The following ALG12 variants were observed in gnomAD, a reference collection of about 807,000 sequenced individuals.
The protein encoded by ALG12 is dol-P-Man:Man(7)GlcNAc(2)-PP-Dol alpha-1,6-mannosyltransferase.
In ALG12, 36 loss-of-function variants were observed where a neutral mutation model predicts 46.0. That is an observed-to-expected ratio of 0.78 (90% CI 0.60 to 1.03). The LOEUF (loss-of-function observed/expected upper bound fraction) is 1.03, where lower values mean the gene tolerates loss of function less well. ALG12 is among the 50% of genes least tolerant of loss of function. The pLI, the probability that ALG12 is intolerant of heterozygous loss-of-function variation, is 0.00. For missense variants in ALG12, 599 were observed against 633.5 expected (o/e 0.95, Z 0.58); for synonymous variants, 326 against 291.6 (o/e 1.12, Z -1.20).
intron 3 of ALG12, among the ~76,000 whole-genome samples, chr22:49,912,829 T>C (rs2060586345): frequency 6.6e-6 from 1 of 151,896 alleles, no homozygotes; most frequent in Non-Finnish European, 1.5e-5. Flanking sequence ...ATTGCACCAC[T>C]GCACTTCAGC....
chr22:49,907,570 T>G (rs1006708153), intron 7 of ALG12, 151 bp downstream of exon 7: 7 of 889,248 alleles, frequency 7.9e-6, no homozygotes, highest in Non-Finnish European at 1.2e-5. Context: ...CCCCTAGGAG[T>G]TGAGGGGTGC....
At chr22:49,883,919 T>C in the ALG12 span, 6 of 1,610,048 alleles carry the variant, frequency 3.7e-6, no homozygotes, top group Non-Finnish European at 5.1e-6. Flanking sequence ...TATGGCGCGC[T>C]GTTCTCCCAG....
chr22:49,880,458 CAGCCTGGA>C, the ALG12 span, among the ~76,000 whole-genome samples: 6 of 152,368 alleles, frequency 3.9e-5, no homozygotes, highest in South Asian at 2.1e-4. Flanking sequence ...CCCCGCCCCG[CAGCCTGGA>C]AGCCTGGAAG....
At chr22:49,881,852 C>T in the ALG12 span, among the ~76,000 whole-genome samples, 2 of 151,948 alleles carry the variant, frequency 1.3e-5, no homozygotes, top group African/African-American at 2.4e-5. Context: ...TTTTATTTTT[C>T]TTTTTTATCT....
At chr22:49,861,352 G>A in the ALG12 span, among the ~76,000 whole-genome samples, 1 of 152,152 alleles carries the variant, frequency 6.6e-6, no homozygotes, top group East Asian at 1.9e-4. Flanking sequence ...GTGTTGGCCA[G>A]GCTGGCCTCA....
At chr22:49,894,449 T>C in the ALG12 span, among the ~76,000 whole-genome samples, 4 of 152,036 alleles carry the variant, frequency 2.6e-5, no homozygotes, top group Non-Finnish European at 5.9e-5. Context: ...AGGCTTCACA[T>C]ATCGAGTCCA....
intron 1 of ALG12, among the ~76,000 whole-genome samples, chr22:49,917,682 G>GA (rs1333518533): frequency 2.0e-5 from 3 of 147,762 alleles, no homozygotes. Flanking sequence ...AAACAGAAAA[G>GA]AAACTGGTCA....
rs1008687800 is a variant in ALG12 at position 49,902,549 on chromosome 22, GTGTA to G, written c.*1285_*1288del. On this transcript the variant is annotated 3_prime_UTR_variant, in exon 10 of 10. Coordinates refer to ENST00000330817, the MANE Select transcript of ALG12 (RefSeq NM_024105.4). The stretch of plus-strand genomic sequence containing the variant: ...ATGGTAATGTGCACGCGTGCACTGT[GTGTA>G]TGCATGGTAATGTGCACGTGTGCAC... The G allele has an allele frequency of 1.4e-5, 2 of 141,296 alleles. No homozygotes were observed. Among genetic ancestry groups the G allele is most frequent in the East Asian group, 2.2e-4 (1 of 4,564 alleles). 8.8% of individuals were successfully genotyped at this position (141,296 alleles called of 1,614,324 possible).
At chr22:49,884,591 T>C in the ALG12 span, 2 of 1,612,790 alleles carry the variant, frequency 1.2e-6, no homozygotes, top group East Asian at 2.2e-5. Flanking sequence ...ATTCACTGCA[T>C]GAACGAGTTC....
chr22:49,864,991 G>T, the ALG12 span, among the ~76,000 whole-genome samples: 6 of 124,510 alleles, frequency 4.8e-5, no homozygotes, highest in Non-Finnish European at 9.3e-5. Context: ...ATTGTGCTGT[G>T]TTTCTCCCCT....
chr22:49,859,498 C>G, the ALG12 span, among the ~76,000 whole-genome samples: 1 of 152,110 alleles, frequency 6.6e-6, no homozygotes, highest in African/African-American at 2.4e-5. Flanking sequence ...GTGTCCCAGG[C>G]TCACGGTGAT....
chr22:49,890,818 C>T, the ALG12 span, among the ~76,000 whole-genome samples: 3 of 152,078 alleles, frequency 2.0e-5, no homozygotes, highest in African/African-American at 4.8e-5. Flanking sequence ...AAATCGAGAC[C>T]ATCCTGGCTA....
At position 49,903,070 on chromosome 22, in the gene ALG12, C is replaced by T. The variant is rs77731737; in HGVS notation, c.*768G>A. On this transcript the variant is annotated 3_prime_UTR_variant, in exon 10 of 10. Transcript: ENST00000330817. The stretch of plus-strand genomic sequence containing the variant: ...ATCTCCAGTGCCCAGCAGCATCACA[C>T]GCACTTTGGTGCTTTATAAATGCAT... 0.014 allele frequency: 4,797 copies of T among 350,404 alleles called. 74 individuals are homozygous for T. Among genetic ancestry groups the T allele is most frequent in the South Asian group, 0.03 (1,385 of 46,718 alleles). 21.7% of individuals were successfully genotyped at this position (350,404 alleles called of 1,614,324 possible).
chr22:49,879,526 A>C, the ALG12 span, among the ~76,000 whole-genome samples: 8,482 of 150,170 alleles, frequency 0.056, 340 homozygotes, highest in Non-Finnish European at 0.088. Context: ...GTCCTTGTCC[A>C]CTAATTTTAT....
At chr22:49,894,621 G>C in the ALG12 span, among the ~76,000 whole-genome samples, 1 of 152,234 alleles carries the variant, frequency 6.6e-6, no homozygotes, top group African/African-American at 2.4e-5. Context: ...ACACAACAAT[G>C]CTAAACATAA....
At chr22:49,876,931 T>C in the ALG12 span, among the ~76,000 whole-genome samples, 1 of 152,224 alleles carries the variant, frequency 6.6e-6, no homozygotes, top group Non-Finnish European at 1.5e-5. Flanking sequence ...CAAAGATTCC[T>C]TTGATGAATC....
At chr22:49,865,640 A>G in the ALG12 span, among the ~76,000 whole-genome samples, 1 of 152,072 alleles carries the variant, frequency 6.6e-6, no homozygotes, top group Non-Finnish European at 1.5e-5. Flanking sequence ...ACACCACTGC[A>G]CTCCAGTCTG....
At chr22:49,876,590 C>A in the ALG12 span, among the ~76,000 whole-genome samples, 14 of 152,202 alleles carry the variant, frequency 9.2e-5, no homozygotes, top group African/African-American at 3.4e-4. Flanking sequence ...AGCTTTCTCT[C>A]GGTTTGTATT....
At position 49,900,346 on chromosome 22, in the gene ALG12, G is replaced by A. The variant is rs933487528; in HGVS notation, c.*3492C>T. 3 of 152,210 alleles carry A rather than the reference G, an allele frequency of 2.0e-5. No individual in the cohort carries two copies. The highest frequency in any genetic ancestry group is 4.4e-5 in the Non-Finnish European group (3 of 68,064). The allele number at this position is 152,210 out of a possible 1,614,324, so 9.4% of individuals were successfully genotyped here. On this transcript the variant is annotated 3_prime_UTR_variant, in exon 10 of 10. Transcript: ENST00000330817. ...CAGGAGGGAGTGGCTCCCTGCATCTGTCTTCAGGGGCAGTTTTGACATCTA... is the reference window on the plus strand; with the variant it reads ...CAGGAGGGAGTGGCTCCCTGCATCTATCTTCAGGGGCAGTTTTGACATCTA...
Sources: gnomAD v4.1 joint callset for allele counts (sites outside exome capture counted in the v4.1 genomes callset) on GRCh38, gnomAD v4.1.1 for gene constraint, MANE v1.5 for transcripts, NCBI Gene and HGNC (gene_info 2026-07-23, HGNC 2026-07-21) for gene names.